Variants in FBXO3 observed in about 807,000 individuals in gnomAD.
The protein encoded by FBXO3 is F-box protein 3.
In FBXO3, 17 loss-of-function variants were observed where a neutral mutation model predicts 64.8. That is an observed-to-expected ratio of 0.26 (90% CI 0.18 to 0.39). The LOEUF (loss-of-function observed/expected upper bound fraction) is 0.39. Ranked by LOEUF, FBXO3 falls within the 10% of genes least tolerant of loss-of-function variation. FBXO3 has a pLI of 1.00. For synonymous variants in FBXO3, 182 were observed against 201.6 expected (o/e 0.90, Z 0.82); for missense variants, 420 against 589.9 (o/e 0.71, Z 2.98).
At chr11:33,774,287 G>C in intron 1 of FBXO3, 107 bp downstream of exon 1, 1 of 969,808 alleles carries the variant, frequency 1.0e-6, no homozygotes, top group African/African-American at 1.7e-5. Context: ...TCACCTTCTG[G>C]TGTCGCGGAA....
Position 33,743,441 on chromosome 11 carries a change from C to T in FBXO3, c.1240-1357G>A, listed in dbSNP as rs2133589516. 1 of 152,326 alleles carries T rather than the reference C, an allele frequency of 6.6e-6. No homozygotes were observed. The highest frequency in any genetic ancestry group is 2.4e-5 in the African/African-American group (1 of 41,582). The allele number at this position is 152,326 out of a possible 1,614,324, so 9.4% of individuals were successfully genotyped here. A position where few individuals can be genotyped will look rare whatever the true frequency, so the allele number is the denominator to read the frequency against. ...ACATTTGAAGACGCAATGGGAGGGG[C>T]TGCTACATTGAACAGAATTCTGAAC... On this transcript the variant is annotated intron_variant, in intron 10 of 10. Coordinates refer to ENST00000265651, the MANE Select transcript of FBXO3 (RefSeq NM_012175.4). The surrounding 1 kb of genome is among the most constrained non-coding windows in gnomAD (Gnocchi z 4.6).
At chr11:33,746,784 C>T in intron 10 of FBXO3, 1 of 1,403,166 alleles carries the variant, frequency 7.1e-7, no homozygotes, top group Non-Finnish European at 9.2e-7. Flanking sequence ...GTTTATTTGA[C>T]ATTAAATTGG....
chr11:33,754,524 C>A, intron 5 of FBXO3, 24 bp from the exon 6 acceptor site: 1 of 1,541,934 alleles, frequency 6.5e-7, no homozygotes, highest in Non-Finnish European at 8.7e-7. Context: ...AGAATACAAT[C>A]GATAAAAACA....
chr11:33,763,099 A>T (rs1376064374), intron 3 of FBXO3: 1 of 203,822 alleles, frequency 4.9e-6, no homozygotes, highest in Non-Finnish European at 1.1e-5. Context: ...CTAATAAAGG[A>T]ATTGAATCCA....
In FBXO3 at chr11:33,741,865, A is replaced by G; in HGVS notation, c.*43T>C. 6.5e-7 allele frequency: 1 copy of G among 1,537,544 alleles called. No individual in the cohort carries two copies. Among genetic ancestry groups the G allele is most frequent in the Non-Finnish European group, 8.7e-7 (1 of 1,144,210 alleles). ...TTTACATTATTGAGAAATCTATTTA[A>G]CAGCCTAGAATCATCCTAGTGCTTC... is the stretch of plus-strand genomic sequence containing the variant. On this transcript the variant is annotated 3_prime_UTR_variant, in exon 11 of 11. Coordinates refer to ENST00000265651, the MANE Select transcript of FBXO3 (RefSeq NM_012175.4).
intron 3 of FBXO3, among the ~76,000 whole-genome samples, chr11:33,762,154 G>T (rs1855258586): frequency 6.6e-6 from 1 of 152,164 alleles, no homozygotes; most frequent in South Asian, 2.1e-4. Context: ...ACACCAGTGG[G>T]TGGGAATTTT....
chr11:33,774,166 T>C, intron 1 of FBXO3: 1 of 485,932 alleles, frequency 2.1e-6, no homozygotes, highest in Middle Eastern at 5.5e-4. Flanking sequence ...AGATATCTCG[T>C]CGCTTCTCAT....
chr11:33,773,879 G>A (rs1855571064), intron 1 of FBXO3: 1 of 153,460 alleles, frequency 6.5e-6, no homozygotes, highest in African/African-American at 2.4e-5. Flanking sequence ...CCCGGACAGC[G>A]ATTCTGGCGC....
At chr11:33,766,221 G>C (rs963764351) in intron 3 of FBXO3, among the ~76,000 whole-genome samples, 2 of 152,168 alleles carry the variant, frequency 1.3e-5, no homozygotes, top group African/African-American at 4.8e-5. Flanking sequence ...GTTATGAGGA[G>C]CCAAGAAGCC....
At chr11:33,756,113 C>A in intron 4 of FBXO3, 138 bp from the exon 5 acceptor site, 1 of 621,076 alleles carries the variant, frequency 1.6e-6, no homozygotes, top group Non-Finnish European at 2.8e-6. Context: ...CAGGAATACC[C>A]AAAGCACTAT....
intron 3 of FBXO3, among the ~76,000 whole-genome samples, chr11:33,764,576 G>T (rs909146632): frequency 6.6e-6 from 1 of 152,056 alleles, no homozygotes; most frequent in Admixed American, 6.5e-5. Context: ...CATAACTCCA[G>T]CTCCAGTCTA....
At chr11:33,771,083 C>A (rs1277931810) in intron 1 of FBXO3, 1 of 328,074 alleles carries the variant, frequency 3.0e-6, no homozygotes, top group Non-Finnish European at 5.8e-6. Context: ...ACAAAAATAT[C>A]TACAGACCAT....
rs776718725 is a variant in FBXO3 at position 33,756,012 on chromosome 11, C to T, written c.474-37G>A. 5 of 1,548,578 alleles carry T rather than the reference C, an allele frequency of 3.2e-6. No individual in the cohort carries two copies. The South Asian group carries it at 5.6e-5, about 17-fold the overall frequency. On this transcript the variant is annotated intron_variant, in intron 4 of 10. Transcript: ENST00000265651. ...ACAGACTCAAACATGTAATACACGG[C>T]AGTGCCAAAGAGCTGTGCTTCATCT...
chr11:33,772,467 C>G (rs1174244196), intron 1 of FBXO3: 1 of 152,278 alleles, frequency 6.6e-6, no homozygotes, highest in African/African-American at 2.4e-5. Context: ...TCATCACTGT[C>G]TGTGAGTCAC....
intron 3 of FBXO3, among the ~76,000 whole-genome samples, chr11:33,764,819 C>T (rs973629322): frequency 1.4e-4 from 22 of 151,976 alleles, no homozygotes; most frequent in Non-Finnish European, 2.6e-4. Flanking sequence ...ACTAAAAATA[C>T]AAAAATTAGC....
rs780005389 is a variant in FBXO3 at position 33,747,293 on chromosome 11, C to T, written c.1076G>A (p.Arg359Gln). The T allele has an allele frequency of 5.6e-6, 9 of 1,610,760 alleles. No individual in the cohort carries two copies. Among genetic ancestry groups the T allele is most frequent in the Non-Finnish European group, 7.6e-6 (9 of 1,179,278 alleles). Residue 359 changes from arginine (R) to glutamine (Q), a missense_variant, in exon 10 of 11, where the codon CGG becomes CAG. Arg to Gln is a conservative substitution (Grantham distance 43). Transcript: ENST00000265651. Reference protein sequence around the residue: ...VGEFPIISPGRVYEYTSCTTF... With the variant: ...VGEFPIISPGQVYEYTSCTTF... ...GGTACAGCTTGTGTATTCATATACC[C>T]GACCTGGGCTGATGATTGGAAATTC...
At position 33,767,026 on chromosome 11, in the gene FBXO3, A is replaced by AAGCAGC. The variant is rs3042023; in HGVS notation, c.358+1819_358+1824dup. 8.8e-3 allele frequency among the ~76,000 whole-genome samples: 1,320 copies of AAGCAGC among 149,980 alleles called. 20 individuals are homozygous for AAGCAGC. The highest frequency in any genetic ancestry group is 0.03 in the African/African-American group (1,234 of 40,858). On this transcript the variant is annotated intron_variant, in intron 3 of 10. Coordinates refer to ENST00000265651, the MANE Select transcript of FBXO3 (RefSeq NM_012175.4). ...AGAAAAAAAAAAGGAAAAGAAAAAC[A>AAGCAGC]AGCAGCAGCAGCAGCTGTTACATAT... is the stretch of plus-strand genomic sequence containing the variant.
intron 6 of FBXO3, 101 bp from the exon 7 acceptor site, chr11:33,751,708 C>T (rs1236866988): frequency 3.3e-6 from 2 of 605,462 alleles, no homozygotes; most frequent in Non-Finnish European, 5.6e-6. Context: ...AATGTGATAC[C>T]AAAACTAGAA....
At chr11:33,767,232 T>C (rs1291957892) in intron 3 of FBXO3, among the ~76,000 whole-genome samples, 1 of 152,098 alleles carries the variant, frequency 6.6e-6, no homozygotes, top group African/African-American at 2.4e-5. Flanking sequence ...AGCCCTGGAG[T>C]CTGCTCTATA....
Sources: gnomAD v4.1 joint callset for allele counts (sites outside exome capture counted in the v4.1 genomes callset) on GRCh38, gnomAD v4.1.1 for gene constraint, Gnocchi (gnomAD v3.1) non-coding constraint, MANE v1.5 for transcripts, NCBI Gene and HGNC (gene_info 2026-07-23, HGNC 2026-07-21) for gene names.